The following PTPRK variants were observed in gnomAD, a reference collection of about 807,000 sequenced individuals.
The protein encoded by PTPRK is receptor-type tyrosine-protein phosphatase kappa.
A neutral mutation model predicts 178.0 loss-of-function variants in PTPRK; 75 were observed. The observed-to-expected ratio is 0.42, with a 90% CI of 0.35 to 0.51. The LOEUF (loss-of-function observed/expected upper bound fraction) is 0.51, where lower values mean the gene tolerates loss of function less well. Ranked by LOEUF, PTPRK falls within the 20% of genes least tolerant of loss-of-function variation. The probability of loss-of-function intolerance (pLI) is 0.02; values close to 1 mark genes in which losing one functional copy is unlikely to be tolerated. For synonymous variants in PTPRK, 637 were observed against 620.6 expected (o/e 1.03, Z -0.39); for missense variants, 1,441 against 1,797.8 (o/e 0.80, Z 3.59).
chr6:128,093,397 C>T (rs1787326639), intron 7 of PTPRK, among the ~76,000 whole-genome samples: 1 of 151,598 alleles, frequency 6.6e-6, no homozygotes, highest in Admixed American at 6.6e-5. Context: ...AGCTCGAGAC[C>T]AGCATGAGCA....
intron 13 of PTPRK, among the ~76,000 whole-genome samples, chr6:128,050,010 C>T (rs141247015): frequency 1.7e-3 from 262 of 152,214 alleles, no homozygotes; most frequent in African/African-American, 5.5e-3. Flanking sequence ...GTGGCGCATG[C>T]CTGTAATCCC....
intron 1 of PTPRK, among the ~76,000 whole-genome samples, chr6:128,506,553 T>C (rs1856374420): frequency 6.7e-6 from 1 of 150,120 alleles, no homozygotes; most frequent in African/African-American, 2.5e-5. Context: ...CCAGCAACTC[T>C]GAAGGCTGAG....
At chr6:128,146,996 G>A (rs1796596565) in intron 7 of PTPRK, among the ~76,000 whole-genome samples, 1 of 152,072 alleles carries the variant, frequency 6.6e-6, no homozygotes, top group African/African-American at 2.4e-5. Context: ...GAACTAAAGT[G>A]GGAACATTTC....
At chr6:128,147,019 C>G (rs1796599553) in intron 7 of PTPRK, among the ~76,000 whole-genome samples, 1 of 152,122 alleles carries the variant, frequency 6.6e-6, no homozygotes, top group African/African-American at 2.4e-5. Context: ...TTATTCCAAT[C>G]TAATTAGCTC....
chr6:128,194,232 C>T (rs902192910), intron 6 of PTPRK, among the ~76,000 whole-genome samples: 28 of 151,552 alleles, frequency 1.8e-4, no homozygotes, highest in African/African-American at 5.3e-4. Flanking sequence ...ATTACAGGTG[C>T]GTGCCACTAT....
Position 128,025,931 on chromosome 6 carries a change from C to T in PTPRK, c.2195-16663G>A, listed in dbSNP as rs562402508. 5.9e-5 allele frequency among the ~76,000 whole-genome samples: 9 copies of T among 152,282 alleles called. No homozygotes were observed. In the South Asian group the frequency reaches 6.2e-4, roughly 11 times the overall value. On this transcript the variant is annotated intron_variant, in intron 13 of 29. Coordinates refer to ENST00000368226, the MANE Select transcript of PTPRK (RefSeq NM_002844.4). ...TTTACTTAATCACATTTGCAAAGAC[C>T]GCTTTTCCCTAAAAGATAACATTTA... is the stretch of plus-strand genomic sequence containing the variant.
chr6:128,087,750 T>C (rs1038711718), intron 8 of PTPRK, among the ~76,000 whole-genome samples: 1 of 152,174 alleles, frequency 6.6e-6, no homozygotes, highest in African/African-American at 2.4e-5. Flanking sequence ...GTCTTAGGTT[T>C]ATTCTCAGAA....
At chr6:128,206,017 A>G (rs561442970) in intron 6 of PTPRK, among the ~76,000 whole-genome samples, 8 of 152,018 alleles carry the variant, frequency 5.3e-5, no homozygotes, top group African/African-American at 1.9e-4. Flanking sequence ...TCATGGAAAG[A>G]GGCTGGTGGA....
At chr6:128,305,630 T>C (rs939307699) in intron 3 of PTPRK, among the ~76,000 whole-genome samples, 1 of 152,190 alleles carries the variant, frequency 6.6e-6, no homozygotes, top group Admixed American at 6.5e-5. Flanking sequence ...TCCATGCAGG[T>C]TGAAAATTGG....
chr6:128,322,667 A>AATATAATATATATATATATATATATAT (rs1828972238), intron 2 of PTPRK, among the ~76,000 whole-genome samples: 1 of 143,722 alleles, frequency 7.0e-6, no homozygotes. Context: ...CTTTTAATAT[A>AATATAATATATATATATATATATATAT]ATATATATAT....
At chr6:128,491,005 C>A (rs989479005) in intron 1 of PTPRK, among the ~76,000 whole-genome samples, 3 of 152,186 alleles carry the variant, frequency 2.0e-5, no homozygotes, top group Admixed American at 2.0e-4. Flanking sequence ...CAAATACAAT[C>A]ACATTGGGGG....
At chr6:128,249,514 T>A (rs756328306) in intron 3 of PTPRK, among the ~76,000 whole-genome samples, 9 of 152,064 alleles carry the variant, frequency 5.9e-5, no homozygotes, top group Non-Finnish European at 1.2e-4. Flanking sequence ...TACTGGATGA[T>A]CTAAGCAAAA....
intron 1 of PTPRK, among the ~76,000 whole-genome samples, chr6:128,406,675 A>T (rs1335498537): frequency 6.6e-6 from 1 of 152,198 alleles, no homozygotes; most frequent in Admixed American, 6.5e-5. Context: ...TCCCTTTCTC[A>T]TAAAGACAGC....
intron 2 of PTPRK, among the ~76,000 whole-genome samples, chr6:128,371,701 T>C (rs1176912287): frequency 1.3e-5 from 2 of 151,982 alleles, no homozygotes; most frequent in Admixed American, 6.6e-5. Flanking sequence ...ATAAATGCAA[T>C]AATCTCAAGA....
At chr6:128,303,972 A>G (rs1826012149) in intron 3 of PTPRK, among the ~76,000 whole-genome samples, 1 of 152,180 alleles carries the variant, frequency 6.6e-6, no homozygotes, top group Non-Finnish European at 1.5e-5. Flanking sequence ...CTGAAACACA[A>G]TCATGGAAGA....
rs370664989 is a variant in PTPRK, at chr6:128,160,522, T to A, written c.1162+23910A>T. 5.3e-5 allele frequency among the ~76,000 whole-genome samples: 8 copies of A among 151,782 alleles called. No homozygotes were observed. In the South Asian group the frequency reaches 1.2e-3, roughly 24 times the overall value. On this transcript the variant is annotated intron_variant, in intron 7 of 29. Coordinates refer to ENST00000368226, the MANE Select transcript of PTPRK (RefSeq NM_002844.4). Reference sequence around the variant, plus strand: ...GAGAAGGAGTTTGCACTCTTAACACTGAGGAGGTAGATCAGTAGGAAAAAG... The same window carrying A: ...GAGAAGGAGTTTGCACTCTTAACACAGAGGAGGTAGATCAGTAGGAAAAAG...
At chr6:128,168,926 G>A (rs551430674) in intron 7 of PTPRK, among the ~76,000 whole-genome samples, 38 of 152,084 alleles carry the variant, frequency 2.5e-4, no homozygotes, top group Non-Finnish European at 4.9e-4. Context: ...TGACATTTGT[G>A]ACATCGTGGG....
chr6:127,979,801 T>C (rs1008842849), intron 25 of PTPRK, among the ~76,000 whole-genome samples: 2 of 152,234 alleles, frequency 1.3e-5, no homozygotes, highest in African/African-American at 2.4e-5. Context: ...TATGGTTTCA[T>C]AGGAGAAAGG....
chr6:128,114,964 G>A (rs571962290), intron 7 of PTPRK, among the ~76,000 whole-genome samples: 1 of 151,612 alleles, frequency 6.6e-6, no homozygotes, highest in South Asian at 2.1e-4. Context: ...GTTTATACAT[G>A]TGTCTTATTC....
Sources: allele counts gnomAD v4.1 joint callset (sites outside exome capture counted in the v4.1 genomes callset), GRCh38; gene constraint gnomAD v4.1.1; transcripts MANE v1.5; gene names NCBI Gene and HGNC (gene_info 2026-07-23, HGNC 2026-07-21).